Variants in DOCK1 observed in about 807,000 individuals in gnomAD.
DOCK1 encodes dedicator of cytokinesis protein 1.
Under a neutral mutation model 262.7 loss-of-function variants are expected in DOCK1, and 138 were observed. The observed-to-expected ratio is 0.53, with a 90% CI of 0.46 to 0.61. The LOEUF is 0.61. Among genes scored for constraint, DOCK1 ranks in the 20% least tolerant of loss-of-function variants. The pLI, the probability that DOCK1 is intolerant of heterozygous loss-of-function variation, is 0.00. For missense variants in DOCK1, 1,908 were observed against 2,370.7 expected (o/e 0.80, Z 4.05); for synonymous variants, 866 against 867.4 (o/e 1.00, Z 0.03).
At position 127,000,232 on chromosome 10, in the gene DOCK1, G is replaced by T. The variant is rs140885933; in HGVS notation, c.910G>T (p.Val304Leu). Residue 304 changes from valine to leucine, a missense_variant, in exon 10 of 52, where the codon GTG becomes TTG. Physicochemically the swap from Val to Leu is conservative, Grantham distance 32. Around this residue, in one of 9 missense-constraint regions of DOCK1, gnomAD observed 102 missense variants for 154.9 expected, o/e 0.66. Coordinates refer to ENST00000623213, the MANE Select transcript of DOCK1 (RefSeq NM_001290223.2). ...CAGTTTTGTCTGTCAGATTGTTCGC[G>T]TGGGTCGCATGGAGCTGAGGGACAA... ...KISFVCQIVR[V>L]GRMELRDNNT... 1.2e-6 allele frequency: 2 copies of T among 1,614,018 alleles called. No individual in the cohort carries two copies. Among genetic ancestry groups the T allele is most frequent in the Non-Finnish European group, 1.7e-6 (2 of 1,179,884 alleles).
chr10:126,990,347 G>A, intron 5 of DOCK1, 108 bp from the exon 6 acceptor site: 1 of 1,091,176 alleles, frequency 9.2e-7, no homozygotes, highest in Non-Finnish European at 1.3e-6. Flanking sequence ...TAAATCTCAT[G>A]ATCTAGTGCT....
At chr10:127,180,667 G>C (rs1481424160) in intron 27 of DOCK1, among the ~76,000 whole-genome samples, 8 of 152,184 alleles carry the variant, frequency 5.3e-5, no homozygotes, top group Admixed American at 1.3e-4. Context: ...ATGAAAATGT[G>C]CATTCCAACT....
At chr10:127,247,495 T>C (rs1028921361) in intron 27 of DOCK1, among the ~76,000 whole-genome samples, 2 of 152,174 alleles carry the variant, frequency 1.3e-5, no homozygotes, top group Non-Finnish European at 2.9e-5. Context: ...CACACACATT[T>C]TGCCGGATAA....
At chr10:127,207,279 T>C (rs1224447848) in intron 27 of DOCK1, among the ~76,000 whole-genome samples, 2 of 152,150 alleles carry the variant, frequency 1.3e-5, no homozygotes, top group Non-Finnish European at 2.9e-5. Context: ...ATCAGCACCA[T>C]TGTGAAATGA....
intron 38 of DOCK1, among the ~76,000 whole-genome samples, chr10:127,401,346 G>A (rs1029861337): frequency 9.2e-5 from 14 of 152,282 alleles, no homozygotes; most frequent in African/African-American, 2.6e-4. Flanking sequence ...GGGGCATAAC[G>A]CAGAAGAAGA....
chr10:127,428,750 G>C (rs1388547821), intron 47 of DOCK1, among the ~76,000 whole-genome samples: 3 of 149,004 alleles, frequency 2.0e-5, no homozygotes, highest in Non-Finnish European at 4.5e-5. Context: ...GGGGTGCTGT[G>C]TGGATTGGGG....
intron 26 of DOCK1, among the ~76,000 whole-genome samples, chr10:127,127,348 T>A (rs1205652144): frequency 1.3e-5 from 2 of 152,226 alleles, no homozygotes; most frequent in African/African-American, 4.8e-5. Context: ...TGGCCAAATA[T>A]CTTTAGAAAA....
chr10:127,146,728 C>T (rs892834693), intron 27 of DOCK1, among the ~76,000 whole-genome samples: 5 of 152,114 alleles, frequency 3.3e-5, no homozygotes, highest in African/African-American at 4.8e-5. Context: ...AAGTGGTGGT[C>T]ATTGAAGCAG....
At chr10:127,112,807 A>G (rs1020967882) in intron 25 of DOCK1, among the ~76,000 whole-genome samples, 1 of 152,190 alleles carries the variant, frequency 6.6e-6, no homozygotes, top group African/African-American at 2.4e-5. Context: ...GCTCAAATGT[A>G]CTTCTAAATG....
intron 27 of DOCK1, among the ~76,000 whole-genome samples, chr10:127,232,142 G>T (rs1407910514): frequency 6.6e-6 from 1 of 152,040 alleles, no homozygotes; most frequent in Non-Finnish European, 1.5e-5. Context: ...GAAGGGTGCA[G>T]ACCTTTTAGT....
At chr10:127,238,771 G>T (rs1046015847) in intron 27 of DOCK1, among the ~76,000 whole-genome samples, 1 of 152,158 alleles carries the variant, frequency 6.6e-6, no homozygotes, top group Admixed American at 6.5e-5. Flanking sequence ...AGGTCATTCT[G>T]GTCAGGGGCT....
rs182146701 is a variant in DOCK1 at position 126,969,199 on chromosome 10, C to T, written c.47-1503C>T. 9.5e-4 allele frequency among the ~76,000 whole-genome samples: 145 copies of T among 152,346 alleles called. 1 individual carries two copies. The highest frequency in any genetic ancestry group is 3.4e-3 in the African/African-American group (142 of 41,588). On this transcript the variant is annotated intron_variant, in intron 1 of 51. Transcript: ENST00000623213. ...ACACGCAATTCTACGAGGTCAGTATCCGGTCCTTATTTTGGCCATTGAAAA... is the reference window on the plus strand; with the variant it reads ...ACACGCAATTCTACGAGGTCAGTATTCGGTCCTTATTTTGGCCATTGAAAA...
intron 24 of DOCK1, among the ~76,000 whole-genome samples, chr10:127,107,953 G>A (rs537479248): frequency 1.3e-5 from 2 of 152,270 alleles, no homozygotes; most frequent in Non-Finnish European, 2.9e-5. Flanking sequence ...GCACAAATTA[G>A]CCCCTCACCG....
intron 23 of DOCK1, among the ~76,000 whole-genome samples, chr10:127,067,828 C>T (rs1355334334): frequency 2.0e-5 from 3 of 152,086 alleles, no homozygotes; most frequent in Non-Finnish European, 2.9e-5. Flanking sequence ...TGCATTTCTT[C>T]CATTGTCGTG....
chr10:127,075,023 G>A (rs942053971), intron 23 of DOCK1, among the ~76,000 whole-genome samples: 2 of 151,922 alleles, frequency 1.3e-5, no homozygotes, highest in African/African-American at 2.4e-5. Context: ...TACGGAATTA[G>A]CTGGGCTTGG....
At chr10:127,223,735 T>C (rs564645891) in intron 27 of DOCK1, among the ~76,000 whole-genome samples, 1 of 152,274 alleles carries the variant, frequency 6.6e-6, no homozygotes, top group South Asian at 2.1e-4. Context: ...CACTTTACTT[T>C]TTTGGGAGTG....
chr10:127,026,351 G>T lies in DOCK1; in HGVS notation c.1552-1G>T. The T allele has an allele frequency of 6.4e-7, 1 of 1,563,056 alleles. No homozygotes were observed. ...TTAAACTTCTTTTTCAATTCTTGAA[G>T]GTGGCCATTCCCATCGAGGACGTTA... is the stretch of plus-strand genomic sequence containing the variant. On this transcript the variant is annotated splice_acceptor_variant, in intron 15 of 51. Coordinates refer to ENST00000623213, the MANE Select transcript of DOCK1 (RefSeq NM_001290223.2). LOFTEE classifies it high-confidence loss of function.
intron 42 of DOCK1, among the ~76,000 whole-genome samples, 154 bp from the exon 43 acceptor site, chr10:127,410,686 T>C (rs1051413935): frequency 2.6e-5 from 4 of 152,168 alleles, no homozygotes; most frequent in African/African-American, 9.7e-5. Context: ...AACATTTCCC[T>C]GGCTGGGAGA....
intron 21 of DOCK1, among the ~76,000 whole-genome samples, chr10:127,051,050 T>TTATA (rs2044691665): frequency 6.6e-6 from 1 of 152,148 alleles, no homozygotes; most frequent in South Asian, 2.1e-4. Flanking sequence ...AATATATAGT[T>TTATA]TATTTATACC....
Sources: allele counts gnomAD v4.1 joint callset (sites outside exome capture counted in the v4.1 genomes callset), GRCh38; gene constraint gnomAD v4.1.1; regional missense constraint gnomAD v4.1.1; transcripts MANE v1.5; gene names NCBI Gene and HGNC (gene_info 2026-07-23, HGNC 2026-07-21).